Variants in EML6 observed in about 807,000 individuals in gnomAD.
EML6 encodes EMAP like 6, also known as echinoderm microtubule-associated protein-like 6.
A neutral mutation model predicts 240.1 loss-of-function variants in EML6; 154 were observed. That is an observed-to-expected ratio of 0.64 (90% CI 0.56 to 0.73). EML6 has a LOEUF of 0.73. Ranked by LOEUF, EML6 falls within the 30% of genes least tolerant of loss-of-function variation. The pLI is 0.00. For missense variants in EML6, 2,964 were observed against 2,474.6 expected (o/e 1.20, Z -4.20); for synonymous variants, 1,148 against 899.0 (o/e 1.28, Z -4.95).
At chr2:54,813,154 T>G in intron 2 of EML6, 78 bp from the exon 3 acceptor site, 6 of 1,050,750 alleles carry the variant, frequency 5.7e-6, no homozygotes, top group Non-Finnish European at 6.9e-6. Flanking sequence ...ATAATTTAAA[T>G]GAGAAACAGA....
intron 28 of EML6, among the ~76,000 whole-genome samples, chr2:54,947,221 C>G (rs571643904): frequency 6.6e-6 from 1 of 152,070 alleles, no homozygotes; most frequent in Admixed American, 6.6e-5. Context: ...TTTGAAAGTC[C>G]CACTAAAACA....
intron 2 of EML6, among the ~76,000 whole-genome samples, chr2:54,810,141 C>T (rs1667759499): frequency 6.6e-6 from 1 of 151,836 alleles, no homozygotes; most frequent in Non-Finnish European, 1.5e-5. Context: ...ACCCAAATGG[C>T]AAAGGAGGAC....
At chr2:54,755,987 T>C (rs767464570) in intron 2 of EML6, among the ~76,000 whole-genome samples, 12 of 152,140 alleles carry the variant, frequency 7.9e-5, no homozygotes, top group Non-Finnish European at 1.2e-4. Flanking sequence ...GGAAATTGTA[T>C]GCAGAGGGTT....
chr2:54,822,399 A>G (rs1003898378), intron 5 of EML6, among the ~76,000 whole-genome samples: 1 of 152,180 alleles, frequency 6.6e-6, no homozygotes, highest in Non-Finnish European at 1.5e-5. Flanking sequence ...TATCCCAAGC[A>G]AATTGTTAGA....
chr2:54,958,587 C>T (rs910318861), intron 33 of EML6, among the ~76,000 whole-genome samples: 5 of 152,248 alleles, frequency 3.3e-5, no homozygotes, highest in African/African-American at 9.6e-5. Context: ...GAGTTGCAAG[C>T]CCCAGAGGAT....
intron 21 of EML6, 113 bp from the exon 22 acceptor site, chr2:54,899,528 C>T: frequency 2.8e-6 from 3 of 1,061,242 alleles, no homozygotes; most frequent in Non-Finnish European, 3.9e-6. Flanking sequence ...TGTGTTTATT[C>T]CTATTTGTGC....
chr2:54,784,495 G>A (rs750614690), intron 2 of EML6, among the ~76,000 whole-genome samples: 5 of 151,962 alleles, frequency 3.3e-5, no homozygotes, highest in Non-Finnish European at 5.9e-5. Flanking sequence ...GCCAATATTG[G>A]GTGTTACACA....
At chr2:54,806,708 A>G (rs1181937228) in intron 2 of EML6, among the ~76,000 whole-genome samples, 2 of 151,254 alleles carry the variant, frequency 1.3e-5, no homozygotes, top group Non-Finnish European at 2.9e-5. Context: ...TGGTTAATTA[A>G]TAACAATACC....
chr2:54,934,361 C>G (rs1357272123), intron 28 of EML6, among the ~76,000 whole-genome samples: 2 of 152,084 alleles, frequency 1.3e-5, no homozygotes, highest in African/African-American at 2.4e-5. Flanking sequence ...TGACGAGAGA[C>G]TGGCTCAGGG....
At chr2:54,797,182 A>C (rs887454463) in intron 2 of EML6, among the ~76,000 whole-genome samples, 4 of 148,138 alleles carry the variant, frequency 2.7e-5, no homozygotes, top group Non-Finnish European at 6.0e-5. Flanking sequence ...AAAAAAAAAA[A>C]AAAAAAACTG....
At chr2:54,950,553 C>T (rs1192195698) in intron 29 of EML6, 97 bp from the exon 30 acceptor site, 1 of 1,393,208 alleles carries the variant, frequency 7.2e-7, no homozygotes, top group Non-Finnish European at 9.8e-7. Context: ...CCATACCGTT[C>T]CTGGGACACA....
intron 2 of EML6, among the ~76,000 whole-genome samples, chr2:54,766,593 G>T (rs1668196814): frequency 6.6e-6 from 1 of 151,826 alleles, no homozygotes. Flanking sequence ...TAGGGGATCT[G>T]CCAGATTTCT....
intron 11 of EML6, among the ~76,000 whole-genome samples, chr2:54,855,118 C>G (rs1478945040): frequency 6.6e-6 from 1 of 152,172 alleles, no homozygotes; most frequent in African/African-American, 2.4e-5. Context: ...TTAGTCTATT[C>G]TTACATTGCT....
At chr2:54,864,309 C>T (rs1391213627) in intron 13 of EML6, among the ~76,000 whole-genome samples, 2 of 152,134 alleles carry the variant, frequency 1.3e-5, no homozygotes, top group Non-Finnish European at 2.9e-5. Context: ...CCCGGTTTTT[C>T]TATTAACTTA....
chr2:54,725,288 G>C lies in EML6; in HGVS notation c.197+30G>C. The C allele has an allele frequency of 7.2e-7, 1 of 1,388,482 alleles. No homozygotes were observed. Among genetic ancestry groups the C allele is most frequent in the South Asian group, 1.6e-5 (1 of 62,478 alleles). The allele number at this position is 1,388,482 out of a possible 1,614,324, so 86.0% of individuals were successfully genotyped here. On this transcript the variant is annotated intron_variant, in intron 2 of 41. Transcript: ENST00000356458. This position sits in a 1 kb window ranked among gnomAD's most constrained non-coding sequence, Gnocchi z 4.3. ...GGGGGTGGCCAGGGGCGGCGGGGAG[G>C]GGTTGCGTGTGGAGGCTGGGAAGGT...
intron 13 of EML6, among the ~76,000 whole-genome samples, chr2:54,864,454 G>T (rs891644032): frequency 6.6e-6 from 1 of 152,194 alleles, no homozygotes; most frequent in Non-Finnish European, 1.5e-5. Context: ...TTTTTTGGAA[G>T]TTGACATATC....
chr2:54,962,799 T>C, intron 36 of EML6, 88 bp downstream of exon 36: 1 of 1,161,008 alleles, frequency 8.6e-7, no homozygotes. Flanking sequence ...GCCAGCGTCA[T>C]GGCAGAGACG....
intron 7 of EML6, among the ~76,000 whole-genome samples, chr2:54,841,664 A>G (rs941632105): frequency 7.0e-6 from 1 of 142,476 alleles, no homozygotes; most frequent in African/African-American, 2.7e-5. Flanking sequence ...ATCTCAGCTC[A>G]CTGCAAGTCC....
At chr2:54,922,738 C>T (rs1049741867) in intron 26 of EML6, among the ~76,000 whole-genome samples, 1 of 152,050 alleles carries the variant, frequency 6.6e-6, no homozygotes, top group Non-Finnish European at 1.5e-5. Flanking sequence ...GAAATCCTGT[C>T]ATTTGCAATA....
Sources: allele counts gnomAD v4.1 joint callset (sites outside exome capture counted in the v4.1 genomes callset), GRCh38; gene constraint gnomAD v4.1.1; non-coding constraint Gnocchi (gnomAD v3.1); transcripts MANE v1.5; gene names NCBI Gene and HGNC (gene_info 2026-07-23, HGNC 2026-07-21).